GAS7: variants seen among roughly 807,000 people sequenced by gnomAD.
The protein encoded by GAS7 is growth arrest specific 7.
GAS7 carries 28 observed loss-of-function variants against 71.1 expected under a neutral mutation model. That is an observed-to-expected ratio of 0.39 (90% CI 0.29 to 0.54). GAS7 has a LOEUF of 0.54. Among genes scored for constraint, GAS7 ranks in the 20% least tolerant of loss-of-function variants. The pLI is 0.62. For synonymous variants in GAS7, 258 were observed against 245.8 expected, an observed-to-expected ratio of 1.05 and a Z score of -0.46; for missense variants, 436 against 627.8, an observed-to-expected ratio of 0.69 and a Z score of 3.27.
intron 4 of GAS7, among the ~76,000 whole-genome samples, chr17:9,965,945 G>A (rs2069690200): frequency 6.6e-6 from 1 of 151,712 alleles, no homozygotes; most frequent in African/African-American, 2.4e-5. Context: ...CACGTTACTG[G>A]TGTCCGTGGA....
intron 9 of GAS7, among the ~76,000 whole-genome samples, chr17:9,933,759 C>T (rs956306670): frequency 1.3e-5 from 2 of 152,116 alleles, no homozygotes; most frequent in African/African-American, 4.8e-5. Flanking sequence ...GTGGGAGAAT[C>T]GTTTGAGCCC....
At chr17:10,114,895 C>A (rs910682665) in intron 1 of GAS7, among the ~76,000 whole-genome samples, 2 of 152,220 alleles carry the variant, frequency 1.3e-5, no homozygotes, top group Non-Finnish European at 2.9e-5. Context: ...TCACAGGAAA[C>A]TGGCATGAGA....
chr17:9,991,069 GAC>G, intron 2 of GAS7, among the ~76,000 whole-genome samples: 1 of 152,150 alleles, frequency 6.6e-6, no homozygotes, highest in Non-Finnish European at 1.5e-5. Flanking sequence ...CACAGTTTCT[GAC>G]ACAGAGTAAG....
chr17:9,984,058 C>G (rs10491089), intron 2 of GAS7, among the ~76,000 whole-genome samples: 6,493 of 152,240 alleles, frequency 0.043, 177 homozygotes, highest in South Asian at 0.07. Flanking sequence ...CACATACATG[C>G]CTCTAGCGCT....
At chr17:10,100,239 C>T (rs2073685533) in intron 1 of GAS7, among the ~76,000 whole-genome samples, 1 of 152,300 alleles carries the variant, frequency 6.6e-6, no homozygotes, top group East Asian at 1.9e-4. Flanking sequence ...AACCTTATCT[C>T]CTATTTAGCA....
chr17:10,002,487 T>C (rs547612611), intron 2 of GAS7, among the ~76,000 whole-genome samples: 1 of 152,264 alleles, frequency 6.6e-6, no homozygotes, highest in Admixed American at 6.5e-5. Flanking sequence ...TGTATACATG[T>C]GCCATGTTGG....
intron 1 of GAS7, among the ~76,000 whole-genome samples, chr17:10,192,170 CAG>C (rs1266960365): frequency 3.9e-5 from 6 of 152,188 alleles, no homozygotes; most frequent in Admixed American, 3.9e-4. Flanking sequence ...AAGGAAAAGC[CAG>C]AGAGATCTGC....
intron 1 of GAS7, among the ~76,000 whole-genome samples, chr17:10,035,406 C>G (rs1230166776): frequency 6.6e-6 from 1 of 152,134 alleles, no homozygotes; most frequent in African/African-American, 2.4e-5. Context: ...TAAAGGTTCC[C>G]GGGTAGTTCA....
intron 1 of GAS7, among the ~76,000 whole-genome samples, chr17:10,173,629 G>A (rs140160200): frequency 2.0e-5 from 3 of 151,966 alleles, no homozygotes; most frequent in Non-Finnish European, 4.4e-5. Flanking sequence ...TTAGCCGGGT[G>A]TGGCAGCGGG....
At chr17:10,086,402 T>C (rs1567585714) in intron 1 of GAS7, among the ~76,000 whole-genome samples, 1 of 152,158 alleles carries the variant, frequency 6.6e-6, no homozygotes, top group East Asian at 1.9e-4. Context: ...CCTGCAACTC[T>C]GAAGGCCAGG....
chr17:10,043,839 C>G (rs2072907904), intron 1 of GAS7, among the ~76,000 whole-genome samples: 1 of 152,140 alleles, frequency 6.6e-6, no homozygotes, highest in Non-Finnish European at 1.5e-5. Flanking sequence ...CAGACTGAGG[C>G]AAGAGTATTC....
At chr17:10,041,795 C>T (rs866875920) in intron 1 of GAS7, among the ~76,000 whole-genome samples, 17 of 152,188 alleles carry the variant, frequency 1.1e-4, no homozygotes, top group Admixed American at 9.8e-4. Flanking sequence ...CACACACGAA[C>T]GGCAGACAGC....
chr17:9,967,534 T>C (rs2069769254), intron 4 of GAS7, among the ~76,000 whole-genome samples: 1 of 149,952 alleles, frequency 6.7e-6, no homozygotes, highest in African/African-American at 2.5e-5. Context: ...GTTTTCCTTC[T>C]AGTCCTTCTT....
intron 1 of GAS7, among the ~76,000 whole-genome samples, chr17:10,037,608 C>A (rs1413214190): frequency 2.0e-5 from 3 of 152,028 alleles, no homozygotes; most frequent in Admixed American, 2.0e-4. Context: ...CAGACCAGAG[C>A]TAAGCTGTTG....
chr17:10,094,936 T>A (rs563025717), intron 1 of GAS7, among the ~76,000 whole-genome samples: 12 of 152,298 alleles, frequency 7.9e-5, no homozygotes, highest in African/African-American at 2.6e-4. Context: ...TCCCTTCATT[T>A]CCATTTCTGT....
chr17:9,921,608 G>C (rs753975189), intron 11 of GAS7, among the ~76,000 whole-genome samples: 22 of 152,154 alleles, frequency 1.4e-4, no homozygotes, highest in Admixed American at 9.8e-4. Flanking sequence ...CAGCCCAAGA[G>C]CTTGAAATTG....
chr17:10,000,442 T>C (rs1410074733), intron 2 of GAS7, among the ~76,000 whole-genome samples: 1 of 152,186 alleles, frequency 6.6e-6, no homozygotes, highest in African/African-American at 2.4e-5. Flanking sequence ...TACTCTTGAC[T>C]TGAAAGCACC....
chr17:10,109,829 G>A (rs1274211854), intron 1 of GAS7, among the ~76,000 whole-genome samples: 2 of 152,218 alleles, frequency 1.3e-5, no homozygotes, highest in African/African-American at 2.4e-5. Context: ...GCAGAGGCGG[G>A]TGGATCATGA....
intron 1 of GAS7, among the ~76,000 whole-genome samples, chr17:10,168,158 C>T (rs1402105717): frequency 6.6e-6 from 1 of 152,008 alleles, no homozygotes; most frequent in African/African-American, 2.4e-5. Flanking sequence ...AAATATCCAT[C>T]AACTAAGGAA....
Sources: gnomAD v4.1 joint callset for allele counts (sites outside exome capture counted in the v4.1 genomes callset) on GRCh38, gnomAD v4.1.1 for gene constraint, MANE v1.5 for transcripts, NCBI Gene and HGNC (gene_info 2026-07-23, HGNC 2026-07-21) for gene names.